SLC25A19: variants seen among roughly 807,000 people sequenced by gnomAD.
The protein encoded by SLC25A19 is mitochondrial thiamine pyrophosphate carrier.
Under a neutral mutation model 27.9 loss-of-function variants are expected in SLC25A19, and 18 were observed. The observed-to-expected ratio is 0.64, with a 90% CI of 0.45 to 0.96. The LOEUF (loss-of-function observed/expected upper bound fraction) is 0.96. Among genes scored for constraint, SLC25A19 ranks in the 40% least tolerant of loss-of-function variants. The probability of loss-of-function intolerance (pLI) is 0.00; values close to 1 mark genes in which losing one functional copy is unlikely to be tolerated. For synonymous variants in SLC25A19, 169 were observed against 167.1 expected, an observed-to-expected ratio of 1.01 and a Z score of -0.09; for missense variants, 371 against 418.3, an observed-to-expected ratio of 0.89 and a Z score of 0.99.
Position 75,286,689 on chromosome 17 carries a change from C to G in SLC25A19, c.76G>C (p.Gly26Arg). ...FQVAVAGSVSGLVTRALISPF... is the reference protein window; with the variant it reads ...FQVAVAGSVSRLVTRALISPF... ...CTGATCAGCGCCCGAGTAACAAGTC[C>G]AGACACAGACCCAGCCACTGCCACC... The change falls in exon 3 of 8, where the codon GGA becomes CGA. Residue 26 changes from glycine (G) to arginine (R), a missense_variant. Coordinates refer to ENST00000416858, the MANE Select transcript of SLC25A19 (RefSeq NM_001126121.2). The G allele has an allele frequency of 6.2e-7, 1 of 1,614,140 alleles. No homozygotes were observed. Among genetic ancestry groups the G allele is most frequent in the Non-Finnish European group, 8.5e-7 (1 of 1,180,026 alleles).
chr17:75,286,928 G>T (rs534165320), intron 2 of SLC25A19, 126 bp from the exon 3 acceptor site: 3 of 953,844 alleles, frequency 3.1e-6, no homozygotes, highest in African/African-American at 1.6e-5. Flanking sequence ...TGGACTGGGC[G>T]CAGCGGTTCA....
intron 7 of SLC25A19, among the ~76,000 whole-genome samples, chr17:75,276,709 C>G (rs2077896702): frequency 6.7e-6 from 1 of 149,080 alleles, no homozygotes; most frequent in Non-Finnish European, 1.5e-5. Flanking sequence ...GAGTCTTGCT[C>G]TGTTGCCCAG....
In SLC25A19 at chr17:75,278,265, C is replaced by T; in HGVS notation, c.530G>A (p.Gly177Asp). 6.2e-7 allele frequency: 1 copy of T among 1,614,058 alleles called. No individual in the cohort carries two copies. The highest frequency in any genetic ancestry group is 8.5e-7 in the Non-Finnish European group (1 of 1,180,018). ...GATGGCGATCAAGGTGGGAGCCAAG[C>T]CTTTGTAGAAAACCTGGGGGCCTTC... ...RSEGPQVFYK[G>D]LAPTLIAIFP... Residue 177 changes from glycine to aspartate, a missense_variant, in exon 6 of 8, where the codon GGC (glycine) becomes GAC (aspartate). Physicochemically the swap from Gly to Asp is moderately conservative, Grantham distance 94. Transcript: ENST00000416858.
At chr17:75,279,068 A>T (rs1384422598) in intron 5 of SLC25A19, among the ~76,000 whole-genome samples, 1 of 151,578 alleles carries the variant, frequency 6.6e-6, no homozygotes, top group African/African-American at 2.4e-5. Flanking sequence ...ATGTTGCCCA[A>T]ACTGGTCTCG....
chr17:75,273,923 G>T (rs965669163), intron 7 of SLC25A19: 3 of 378,310 alleles, frequency 7.9e-6, no homozygotes, highest in Non-Finnish European at 1.5e-5. Context: ...ACCACGCCTG[G>T]CTAATTTTTT....
rs1364907700 is a variant in SLC25A19, at chr17:75,282,721, G to A, written c.459+702C>T. Among the ~76,000 whole-genome samples the A allele has an allele frequency of 4.6e-5, 7 of 151,366 alleles. No homozygotes were observed. In the East Asian group the frequency reaches 5.9e-4, roughly 13 times the overall value. On this transcript the variant is annotated intron_variant, in intron 5 of 7. Transcript: ENST00000416858. ...CAAAAAATTAGCTGGGCGTGGTGGC[G>A]GGCACCTGTAGTCCCAGCTACTCGG...
At chr17:75,280,856 T>C (rs1342364597) in intron 5 of SLC25A19, among the ~76,000 whole-genome samples, 1 of 151,100 alleles carries the variant, frequency 6.6e-6, no homozygotes, top group African/African-American at 2.4e-5. Flanking sequence ...TGAGAATCAC[T>C]TGAATCTGGG....
intron 5 of SLC25A19, among the ~76,000 whole-genome samples, chr17:75,280,164 C>T (rs1369924165): frequency 6.6e-6 from 1 of 152,060 alleles, no homozygotes; most frequent in Admixed American, 6.6e-5. Flanking sequence ...CCTAGGAGTT[C>T]GAGAACAGCC....
chr17:75,284,465 G>T (rs2078133397), intron 4 of SLC25A19, among the ~76,000 whole-genome samples: 1 of 152,110 alleles, frequency 6.6e-6, no homozygotes, highest in Non-Finnish European at 1.5e-5. Flanking sequence ...GGCTAACTTA[G>T]TTTTCTGAGA....
At chr17:75,275,623 G>A (rs964320856) in intron 7 of SLC25A19, among the ~76,000 whole-genome samples, 1 of 152,096 alleles carries the variant, frequency 6.6e-6, no homozygotes, top group African/African-American at 2.4e-5. Flanking sequence ...ACTTAGCACG[G>A]GGCTTCTCTT....
intron 5 of SLC25A19, among the ~76,000 whole-genome samples, chr17:75,278,640 C>T (rs955535665): frequency 6.6e-6 from 1 of 152,048 alleles, no homozygotes; most frequent in South Asian, 2.1e-4. Context: ...GTGCTGGTTA[C>T]GTGAATTATG....
At chr17:75,288,839 T>C (rs2078244524) in intron 1 of SLC25A19, among the ~76,000 whole-genome samples, 1 of 152,026 alleles carries the variant, frequency 6.6e-6, no homozygotes, top group Non-Finnish European at 1.5e-5. Context: ...CAGGCGCCCA[T>C]GAGGAAGTTT....
intron 5 of SLC25A19, among the ~76,000 whole-genome samples, chr17:75,278,664 C>G (rs952066603): frequency 2.0e-5 from 3 of 152,042 alleles, no homozygotes; most frequent in African/African-American, 7.2e-5. Context: ...CACCAGCTCA[C>G]GAGAGAATAG....
intron 5 of SLC25A19, among the ~76,000 whole-genome samples, chr17:75,278,847 G>GTGGCTCATGCCTGTAATCCCAGCTTCT (rs2077964824): frequency 6.6e-6 from 1 of 152,028 alleles, no homozygotes; most frequent in African/African-American, 2.4e-5. Flanking sequence ...GCTGGGGGTG[G>GTGGCTCATGCCTGTAATCCCAGCTTCT]TGGCTCATGC....
At position 75,289,408 on chromosome 17, in the gene SLC25A19, C is replaced by G. The variant is rs1392145021; in HGVS notation, c.-183G>C. ...GCTCTCCGCTCTCTCTAGCTCCTCG[C>G]GCAGTCTTAACAGCAAAACTCTACT... On this transcript the variant is annotated 5_prime_UTR_variant, in exon 1 of 8. Transcript: ENST00000416858. 1 of 152,258 alleles carries G rather than the reference C, an allele frequency of 6.6e-6. No individual in the cohort carries two copies. Among genetic ancestry groups the G allele is most frequent in the Non-Finnish European group, 1.5e-5 (1 of 68,138 alleles). The allele number at this position is 152,258 out of a possible 1,614,324, so 9.4% of individuals were successfully genotyped here.
At position 75,283,742 on chromosome 17, in the gene SLC25A19, C is replaced by T. The variant is rs1447633440; in HGVS notation, c.289-149G>A. ...AAATGTTCTTCTTGAGCAGTGACAG[C>T]ATATGATAAATACAACATTCTACGC... On this transcript the variant is annotated intron_variant, in intron 4 of 7. Transcript: ENST00000416858. The T allele has an allele frequency of 4.0e-6, 3 of 758,492 alleles. No individual in the cohort carries two copies. In the East Asian group the frequency reaches 8.1e-5, roughly 20 times the overall value. 47.0% of individuals were successfully genotyped at this position (758,492 alleles called of 1,614,324 possible).
intron 1 of SLC25A19, 34 bp downstream of exon 1, chr17:75,289,320 G>A (rs1450383012): frequency 6.6e-6 from 1 of 152,382 alleles, no homozygotes; most frequent in African/African-American, 2.4e-5. Context: ...TCCCCGAGAG[G>A]GCGGCGAGAA....
Position 75,286,405 on chromosome 17 carries a change from G to A in SLC25A19, c.187C>T (p.Leu63Phe), listed in dbSNP as rs1193424552. ...SDPSAKYHGI[L>F]QASRQILQEE... ...TGCAGAATCTGCCTAGAGGCCTGGA[G>A]GATGCCATGGTACTTTGCGCTGGGG... The change falls in exon 4 of 8, where the codon CTC becomes TTC. Residue 63 changes from leucine (L) to phenylalanine (F), a missense_variant. By Grantham distance (22) the Leu-to-Phe change is conservative. Coordinates refer to ENST00000416858, the MANE Select transcript of SLC25A19 (RefSeq NM_001126121.2). The A allele has an allele frequency of 1.2e-6, 2 of 1,614,096 alleles. No individual in the cohort carries two copies. Among genetic ancestry groups the A allele is most frequent in the Non-Finnish European group, 8.5e-7 (1 of 1,180,050 alleles).
chr17:75,273,702 G>T, intron 7 of SLC25A19, 63 bp from the exon 8 acceptor site: 1 of 1,422,590 alleles, frequency 7.0e-7, no homozygotes, highest in Non-Finnish European at 9.9e-7. Context: ...ACAGCCCCTG[G>T]CACATCACAG....
Sources: allele counts gnomAD v4.1 joint callset (sites outside exome capture counted in the v4.1 genomes callset), GRCh38; gene constraint gnomAD v4.1.1; transcripts MANE v1.5; gene names NCBI Gene and HGNC (gene_info 2026-07-23, HGNC 2026-07-21).